MYO5B: variants seen among roughly 807,000 people sequenced by gnomAD.
MYO5B encodes the protein unconventional myosin-Vb.
MYO5B carries 143 observed loss-of-function variants against 229.3 expected under a neutral mutation model. The observed-to-expected ratio is 0.62, with a 90% CI of 0.54 to 0.72. The LOEUF (loss-of-function observed/expected upper bound fraction) is 0.72, where lower values mean the gene tolerates loss of function less well. Among genes scored for constraint, MYO5B ranks in the 30% least tolerant of loss-of-function variants. The pLI, the probability that MYO5B is intolerant of heterozygous loss-of-function variation, is 0.00. For synonymous variants in MYO5B, 918 were observed against 885.2 expected (o/e 1.04, Z -0.66); for missense variants, 2,321 against 2,331.0 (o/e 1.00, Z 0.09).
chr18:49,868,304 A>G (rs953750437), intron 27 of MYO5B, among the ~76,000 whole-genome samples: 4 of 152,214 alleles, frequency 2.6e-5, no homozygotes, highest in African/African-American at 9.6e-5. Flanking sequence ...TGTCTATAAA[A>G]AGGACACATT....
chr18:49,986,021 G>A (rs1305936233), intron 7 of MYO5B, among the ~76,000 whole-genome samples: 1 of 152,114 alleles, frequency 6.6e-6, no homozygotes, highest in Non-Finnish European at 1.5e-5. Flanking sequence ...ATGCTAGTAT[G>A]TCTGATCATA....
intron 1 of MYO5B, among the ~76,000 whole-genome samples, chr18:50,095,186 A>C (rs938116975): frequency 6.6e-6 from 1 of 152,172 alleles, no homozygotes; most frequent in Non-Finnish European, 1.5e-5. Context: ...CTCACCAACG[A>C]TCTTGAGTGC....
rs1283597737 is a variant in MYO5B at position 49,826,302 on chromosome 18, T to G, written c.*169A>C. On this transcript the variant is annotated 3_prime_UTR_variant, in exon 40 of 40. Coordinates refer to ENST00000285039, the MANE Select transcript of MYO5B (RefSeq NM_001080467.3). ...TATTCTGAGCAGTAGGTACAAAAAA[T>G]AATGACATAGTTGTGTCTAATTCTG... 1 of 801,426 alleles carries G rather than the reference T, an allele frequency of 1.2e-6. No individual in the cohort carries two copies. Among genetic ancestry groups the G allele is most frequent in the Admixed American group, 2.4e-5 (1 of 41,526 alleles). The allele number at this position is 801,426 out of a possible 1,614,324, so 49.6% of individuals were successfully genotyped here.
intron 2 of MYO5B, among the ~76,000 whole-genome samples, chr18:50,052,725 G>A (rs533760684): frequency 1.3e-5 from 2 of 150,988 alleles, no homozygotes; most frequent in South Asian, 4.2e-4. Flanking sequence ...AGGTTAGCAT[G>A]GTAAATTTTA....
At chr18:49,887,151 C>A (rs1245407848) in intron 22 of MYO5B, among the ~76,000 whole-genome samples, 1 of 152,112 alleles carries the variant, frequency 6.6e-6, no homozygotes, top group Non-Finnish European at 1.5e-5. Context: ...CACTCTCAGA[C>A]TGTAGTCTTG....
chr18:49,843,545 A>G (rs2024088797), intron 33 of MYO5B, among the ~76,000 whole-genome samples, 153 bp from the exon 34 acceptor site: 2 of 152,232 alleles, frequency 1.3e-5, no homozygotes, highest in Admixed American at 6.5e-5. Flanking sequence ...GAAGCCACCC[A>G]GGGTACCCAA....
At chr18:49,957,219 T>C (rs1442610142) in intron 12 of MYO5B, among the ~76,000 whole-genome samples, 2 of 129,372 alleles carry the variant, frequency 1.5e-5, no homozygotes, top group African/African-American at 6.3e-5. Context: ...CCCCTCTCAA[T>C]GTTCCCTGTG....
In MYO5B at chr18:50,034,225, G is replaced by T. The variant is rs1349376384; in HGVS notation, c.455+2625C>A. ...TAATTATTTCAATGACTACTGATGA[G>T]TCAGAAAAAGCACAACAGACAGTTG... On this transcript the variant is annotated intron_variant, in intron 4 of 39. Transcript: ENST00000285039. Among the ~76,000 whole-genome samples the T allele has an allele frequency of 2.6e-5, 4 of 152,208 alleles. No individual in the cohort carries two copies. The East Asian group carries it at 7.7e-4, about 29-fold the overall frequency.
intron 22 of MYO5B, among the ~76,000 whole-genome samples, chr18:49,882,576 T>G (rs2024599427): frequency 7.5e-6 from 1 of 133,268 alleles, no homozygotes; most frequent in African/African-American, 2.9e-5. Context: ...TGCAGCGAGC[T>G]GAGATCGTGC....
chr18:49,885,407 A>T (rs902590069), intron 22 of MYO5B, among the ~76,000 whole-genome samples: 1 of 152,134 alleles, frequency 6.6e-6, no homozygotes, highest in Admixed American at 6.5e-5. Flanking sequence ...AGAGATGACC[A>T]TACAGACCCC....
At chr18:50,016,137 G>A (rs145514741) in intron 4 of MYO5B, among the ~76,000 whole-genome samples, 125 of 152,342 alleles carry the variant, frequency 8.2e-4, no homozygotes, top group African/African-American at 2.9e-3. Flanking sequence ...AGCATGATCA[G>A]AGTGCCATGC....
intron 1 of MYO5B, among the ~76,000 whole-genome samples, chr18:50,172,989 C>T (rs1212059997): frequency 3.9e-5 from 6 of 152,278 alleles, no homozygotes; most frequent in Admixed American, 6.5e-5. Context: ...GTGGGCCAGG[C>T]GCAGTGGCTC....
chr18:50,054,319 C>A (rs1392948465), intron 2 of MYO5B, among the ~76,000 whole-genome samples: 1 of 152,226 alleles, frequency 6.6e-6, no homozygotes, highest in African/African-American at 2.4e-5. Flanking sequence ...CTGGGCAACA[C>A]AGCAAGATCT....
Position 49,863,239 on chromosome 18 carries a change from C to G in MYO5B, c.3932G>C (p.Cys1311Ser). Reference protein sequence around the residue: ...EDAIEAYHGVCQTNSKTEDWG... With the variant: ...EDAIEAYHGVSQTNSKTEDWG... ...GCGGCGGCCTTACCTGTTTGTCTGG[C>G]AGACCCCGTGATAGGCCTCAATGGC... The change falls in exon 29 of 40, where the codon TGC becomes TCC. Residue 1311 changes from cysteine (C) to serine (S), a missense_variant. By Grantham distance (112) the Cys-to-Ser change is moderately radical (BLOSUM62 -1). This residue lies in a region of MYO5B where 2,113 missense variants were observed against 2,044.7 expected (regional missense o/e 1.03). Transcript: ENST00000285039. The G allele has an allele frequency of 6.2e-7, 1 of 1,613,010 alleles. No homozygotes were observed. The highest frequency in any genetic ancestry group is 8.5e-7 in the Non-Finnish European group (1 of 1,179,864).
At chr18:50,151,952 C>T (rs554343640) in intron 1 of MYO5B, among the ~76,000 whole-genome samples, 14 of 152,284 alleles carry the variant, frequency 9.2e-5, no homozygotes, top group African/African-American at 3.4e-4. Context: ...CCCAGAGAGC[C>T]TACATCCTGG....
intron 15 of MYO5B, 142 bp from the exon 16 acceptor site, chr18:49,936,491 G>A: frequency 1.4e-6 from 1 of 731,584 alleles, no homozygotes; most frequent in Non-Finnish European, 2.4e-6. Flanking sequence ...CAGAGACCTG[G>A]GGTAAGATTC....
chr18:49,844,721 T>C (rs1057052235), intron 33 of MYO5B, among the ~76,000 whole-genome samples: 2 of 152,168 alleles, frequency 1.3e-5, no homozygotes, highest in East Asian at 3.8e-4. Flanking sequence ...TCCAGGAAAA[T>C]GTATTTTGTA....
intron 29 of MYO5B, among the ~76,000 whole-genome samples, chr18:49,859,569 G>A (rs1205308434): frequency 1.3e-5 from 2 of 152,154 alleles, no homozygotes; most frequent in Non-Finnish European, 2.9e-5. Flanking sequence ...CTGGGAAATG[G>A]AAGGCACACT....
chr18:49,858,981 G>A (rs574206936), intron 29 of MYO5B, among the ~76,000 whole-genome samples: 4 of 152,224 alleles, frequency 2.6e-5, no homozygotes, highest in Non-Finnish European at 1.5e-5. Flanking sequence ...TGTTGAAAAT[G>A]TAAGTGCTTG....
Sources: allele counts gnomAD v4.1 joint callset (sites outside exome capture counted in the v4.1 genomes callset), GRCh38; gene constraint gnomAD v4.1.1; regional missense constraint gnomAD v4.1.1; transcripts MANE v1.5; gene names NCBI Gene and HGNC (gene_info 2026-07-23, HGNC 2026-07-21).